GRIN2A: variants seen among roughly 807,000 people sequenced by gnomAD.
GRIN2A encodes the protein glutamate receptor ionotropic, NMDA 2A.
Under a neutral mutation model 113.4 loss-of-function variants are expected in GRIN2A, and 22 were observed. The observed-to-expected ratio is 0.19, with a 90% confidence interval of 0.14 to 0.28. The LOEUF (loss-of-function observed/expected upper bound fraction) is 0.28. Among genes scored for constraint, GRIN2A ranks in the 10% least tolerant of loss-of-function variants. The pLI is 1.00. For missense variants in GRIN2A, 1,502 were observed against 1,887.0 expected (o/e 0.80, Z 3.78); for synonymous variants, 827 against 738.4 (o/e 1.12, Z -1.94).
intron 2 of GRIN2A, among the ~76,000 whole-genome samples, chr16:10,131,743 C>T (rs1334484119): frequency 1.3e-5 from 2 of 152,132 alleles, no homozygotes; most frequent in Non-Finnish European, 2.9e-5. Context: ...GGCCTGAGTG[C>T]CTGCTGTTCT....
intron 2 of GRIN2A, chr16:10,179,631 C>T: frequency 3.4e-6 from 1 of 295,498 alleles, no homozygotes; most frequent in Non-Finnish European, 6.4e-6. Context: ...AAATAGGAAG[C>T]ATATGTCTCC....
chr16:9,868,886 C>G (rs2043208281), intron 4 of GRIN2A, among the ~76,000 whole-genome samples: 1 of 152,170 alleles, frequency 6.6e-6, no homozygotes, highest in Admixed American at 6.5e-5. Flanking sequence ...CCCCTTCCCA[C>G]TCTCTGCCTG....
chr16:9,820,424 G>T (rs1213814811), intron 10 of GRIN2A, among the ~76,000 whole-genome samples: 1 of 152,176 alleles, frequency 6.6e-6, no homozygotes, highest in African/African-American at 2.4e-5. Context: ...ATATTCTATG[G>T]CTCAGCAGTT....
At chr16:9,771,735 C>T (rs1901286540) in intron 11 of GRIN2A, among the ~76,000 whole-genome samples, 1 of 152,098 alleles carries the variant, frequency 6.6e-6, no homozygotes, top group South Asian at 2.1e-4. Context: ...CAGAAACATC[C>T]CTATAGAGAG....
chr16:9,801,714 G>C (rs1242640993), intron 10 of GRIN2A, among the ~76,000 whole-genome samples: 2 of 152,226 alleles, frequency 1.3e-5, no homozygotes, highest in Non-Finnish European at 2.9e-5. Context: ...AAAAGATGTG[G>C]TTGACTCTGA....
chr16:9,830,849 G>A (rs1188084336), intron 8 of GRIN2A, among the ~76,000 whole-genome samples: 2 of 152,158 alleles, frequency 1.3e-5, no homozygotes, highest in Admixed American at 6.5e-5. Context: ...GATCTTCTGG[G>A]CTTATTCTCA....
intron 2 of GRIN2A, among the ~76,000 whole-genome samples, chr16:9,974,877 C>A (rs1330836916): frequency 6.6e-6 from 1 of 152,222 alleles, no homozygotes; most frequent in Non-Finnish European, 1.5e-5. Context: ...CAGTACTATG[C>A]TGAATAGAAG....
chr16:10,144,707 C>G (rs1235076110), intron 2 of GRIN2A, among the ~76,000 whole-genome samples: 3 of 151,902 alleles, frequency 2.0e-5, no homozygotes, highest in African/African-American at 7.3e-5. Context: ...ACCTAAATGT[C>G]CATCAAGAGA....
chr16:9,766,876 C>G (rs2141143449), intron 12 of GRIN2A, among the ~76,000 whole-genome samples: 1 of 152,282 alleles, frequency 6.6e-6, no homozygotes, highest in Non-Finnish European at 1.5e-5. Flanking sequence ...CAATGCCTGC[C>G]CTGTGCTGCC....
intron 2 of GRIN2A, among the ~76,000 whole-genome samples, chr16:10,105,834 G>A (rs972753363): frequency 6.6e-6 from 1 of 152,216 alleles, no homozygotes; most frequent in South Asian, 2.1e-4. Flanking sequence ...TTGAACCCAG[G>A]AGGTGGGGGT....
intron 4 of GRIN2A, among the ~76,000 whole-genome samples, chr16:9,869,285 T>C (rs528705657): frequency 6.0e-4 from 91 of 152,116 alleles, no homozygotes; most frequent in African/African-American, 1.9e-3. Flanking sequence ...ATACAAAAAT[T>C]AGCTGAGTGT....
At position 9,764,523 on chromosome 16, in the gene GRIN2A, G is replaced by A; in HGVS notation, c.3021C>T (p.Asn1007=). ...TCTTCCACAGCTGCCGGGGTCTAGAGTTCGCTTTGGATTCTGTGCTCACGG... is the reference window on the plus strand; with the variant it reads ...TCTTCCACAGCTGCCGGGGTCTAGAATTCGCTTTGGATTCTGTGCTCACGG... ...EVAVSTESKA[N]SRPRQLWKKS... The change falls in exon 13 of 13, where the codon AAC becomes AAT. Residue 1007 remains asparagine, a synonymous_variant. Transcript: ENST00000330684. 1 of 1,614,056 alleles carries A rather than the reference G, an allele frequency of 6.2e-7. No individual in the cohort carries two copies.
rs1184328782 is a variant in GRIN2A, at chr16:9,920,499, G to A, written c.1007+17460C>T. ...AGTATGATGGATCCCTCCTCCTGCT[G>A]TCATCTTTTACACTGAATGGAAAAT... On this transcript the variant is annotated intron_variant, in intron 3 of 12. Transcript: ENST00000330684. 2.0e-5 allele frequency among the ~76,000 whole-genome samples: 3 copies of A among 151,968 alleles called. No individual in the cohort carries two copies. The East Asian group carries it at 5.8e-4, about 29-fold the overall frequency.
chr16:9,916,951 C>T (rs900121364), intron 3 of GRIN2A, among the ~76,000 whole-genome samples: 1 of 152,180 alleles, frequency 6.6e-6, no homozygotes, highest in African/African-American at 2.4e-5. Context: ...GCAGAGGTAG[C>T]GTTGCCTAGT....
intron 2 of GRIN2A, among the ~76,000 whole-genome samples, chr16:10,038,966 C>G (rs992197010): frequency 6.6e-6 from 1 of 152,146 alleles, no homozygotes; most frequent in Non-Finnish European, 1.5e-5. Context: ...GCAGTGTCAC[C>G]TCCTCCAGGA....
chr16:9,843,747 G>A (rs1291142281), intron 5 of GRIN2A, among the ~76,000 whole-genome samples: 1 of 152,058 alleles, frequency 6.6e-6, no homozygotes, highest in African/African-American at 2.4e-5. Context: ...TGGGGGGGTA[G>A]TAGGAGGCCA....
intron 2 of GRIN2A, among the ~76,000 whole-genome samples, chr16:10,044,262 G>A (rs2141968218): frequency 6.6e-6 from 1 of 151,988 alleles, no homozygotes; most frequent in East Asian, 1.9e-4. Context: ...TTGAAGTCCT[G>A]ACCTCGTGAT....
At chr16:10,079,228 C>CA (rs763075230) in intron 2 of GRIN2A, among the ~76,000 whole-genome samples, 88 of 151,636 alleles carry the variant, frequency 5.8e-4, no homozygotes, top group Non-Finnish European at 9.3e-4. Context: ...TAATAACAAC[C>CA]AAAAAAAATG....
intron 4 of GRIN2A, among the ~76,000 whole-genome samples, chr16:9,878,524 A>G (rs181335842): frequency 2.4e-3 from 367 of 152,096 alleles, no homozygotes; most frequent in African/African-American, 7.4e-3. Context: ...CATTGAAAAC[A>G]CTCTGCATGG....
Sources: gnomAD v4.1 joint callset for allele counts (sites outside exome capture counted in the v4.1 genomes callset) on GRCh38, gnomAD v4.1.1 for gene constraint, MANE v1.5 for transcripts, NCBI Gene and HGNC (gene_info 2026-07-23, HGNC 2026-07-21) for gene names.